GALNTL6: variants seen among roughly 807,000 people sequenced by gnomAD.
The protein encoded by GALNTL6 is polypeptide N-acetylgalactosaminyltransferase-like 6.
Under a neutral mutation model 73.7 loss-of-function variants are expected in GALNTL6, and 46 were observed. The observed-to-expected ratio is 0.62, with a 90% CI of 0.49 to 0.80. The LOEUF is 0.80. Among genes scored for constraint, GALNTL6 ranks in the 30% least tolerant of loss-of-function variants. The probability of loss-of-function intolerance (pLI) is 0.00; values close to 1 mark genes in which losing one functional copy is unlikely to be tolerated. For synonymous variants in GALNTL6, 259 were observed against 263.7 expected (o/e 0.98, Z 0.17); for missense variants, 604 against 755.0 (o/e 0.80, Z 2.34).
chr4:172,134,844 C>A (rs1318780703), intron 2 of GALNTL6, among the ~76,000 whole-genome samples: 1 of 152,192 alleles, frequency 6.6e-6, no homozygotes, highest in Non-Finnish European at 1.5e-5. Flanking sequence ...CATCATGTGG[C>A]TTGTCCCTCC....
intron 2 of GALNTL6, among the ~76,000 whole-genome samples, chr4:171,899,219 GTTAC>G: frequency 6.9e-6 from 1 of 144,732 alleles, no homozygotes; most frequent in Non-Finnish European, 1.5e-5. Context: ...GCACTGAAAA[GTTAC>G]TGTTTGTGTT....
chr4:171,989,752 T>C (rs1740274630), intron 2 of GALNTL6, among the ~76,000 whole-genome samples: 1 of 152,154 alleles, frequency 6.6e-6, no homozygotes, highest in Non-Finnish European at 1.5e-5. Flanking sequence ...AGGAGCGGAT[T>C]GGGTAATAAA....
intron 8 of GALNTL6, among the ~76,000 whole-genome samples, chr4:172,891,485 C>T (rs559415414): frequency 6.6e-6 from 1 of 152,270 alleles, no homozygotes; most frequent in South Asian, 2.1e-4. Flanking sequence ...TGCCTCCAAT[C>T]TCTGACTTAT....
chr4:172,041,473 A>G (rs891018246), intron 2 of GALNTL6, among the ~76,000 whole-genome samples: 1 of 152,224 alleles, frequency 6.6e-6, no homozygotes, highest in South Asian at 2.1e-4. Context: ...GAACCTTAGC[A>G]TAAATAATTT....
chr4:171,993,204 T>TAC (rs1456992674), intron 2 of GALNTL6, among the ~76,000 whole-genome samples: 1 of 151,518 alleles, frequency 6.6e-6, no homozygotes, highest in Non-Finnish European at 1.5e-5. Context: ...AATAAGTATA[T>TAC]ATAAGAGAAA....
chr4:171,863,136 G>A (rs1421573059), intron 2 of GALNTL6, among the ~76,000 whole-genome samples: 2 of 152,130 alleles, frequency 1.3e-5, no homozygotes, highest in African/African-American at 2.4e-5. Context: ...ATGAAGTTGC[G>A]TGAAATACCA....
At chr4:172,863,386 T>C (rs2111142832) in intron 7 of GALNTL6, among the ~76,000 whole-genome samples, 2 of 152,302 alleles carry the variant, frequency 1.3e-5, no homozygotes, top group South Asian at 4.1e-4. Flanking sequence ...GGCTGTACCC[T>C]GCAAATCCAC....
chr4:172,636,169 T>C (rs1009370201), intron 5 of GALNTL6, among the ~76,000 whole-genome samples: 3 of 152,226 alleles, frequency 2.0e-5, no homozygotes, highest in African/African-American at 7.2e-5. Flanking sequence ...TTCACTATTA[T>C]AGAAATTACC....
intron 7 of GALNTL6, among the ~76,000 whole-genome samples, chr4:172,832,500 T>C (rs1742691490): frequency 6.6e-6 from 1 of 152,346 alleles, no homozygotes; most frequent in East Asian, 1.9e-4. Flanking sequence ...GTGTCTGTGA[T>C]AAAGTTTAAA....
At chr4:172,498,211 A>G (rs934581946) in intron 5 of GALNTL6, among the ~76,000 whole-genome samples, 12 of 151,868 alleles carry the variant, frequency 7.9e-5, no homozygotes, top group African/African-American at 1.7e-4. Context: ...GATGGTCTCT[A>G]TCTCTTGACC....
intron 10 of GALNTL6, among the ~76,000 whole-genome samples, chr4:172,995,197 G>GA (rs984744715): frequency 1.3e-5 from 2 of 151,796 alleles, no homozygotes; most frequent in African/African-American, 4.8e-5. Context: ...TAGCACTCTA[G>GA]AAAAAAAATG....
intron 2 of GALNTL6, among the ~76,000 whole-genome samples, chr4:172,189,111 C>T (rs1157074689): frequency 2.0e-5 from 3 of 150,484 alleles, no homozygotes; most frequent in Non-Finnish European, 4.4e-5. Flanking sequence ...TAATATTATC[C>T]ATTTTGGGAA....
At chr4:171,824,523 C>T (rs1319309542) in intron 2 of GALNTL6, among the ~76,000 whole-genome samples, 1 of 151,922 alleles carries the variant, frequency 6.6e-6, no homozygotes, top group African/African-American at 2.4e-5. Flanking sequence ...CTGGATTGAA[C>T]ATGATAAGCA....
At chr4:172,658,750 A>G (rs1731217785) in intron 5 of GALNTL6, among the ~76,000 whole-genome samples, 1 of 152,202 alleles carries the variant, frequency 6.6e-6, no homozygotes. Flanking sequence ...TAAATGATTT[A>G]AAGTTCTGAA....
chr4:172,466,592 T>G (rs972232005), intron 5 of GALNTL6, among the ~76,000 whole-genome samples: 1 of 152,118 alleles, frequency 6.6e-6, no homozygotes, highest in Non-Finnish European at 1.5e-5. Context: ...TTCTTAGAAG[T>G]AAAAAACACG....
chr4:172,421,457 G>T (rs912769212), intron 5 of GALNTL6, among the ~76,000 whole-genome samples: 8 of 151,676 alleles, frequency 5.3e-5, no homozygotes, highest in Non-Finnish European at 1.2e-4. Context: ...GTTTGTATAA[G>T]TATTATAGAA....
chr4:172,581,135 A>G (rs1162712135), intron 5 of GALNTL6, among the ~76,000 whole-genome samples: 1 of 152,230 alleles, frequency 6.6e-6, no homozygotes, highest in Non-Finnish European at 1.5e-5. Context: ...GACACAAAAC[A>G]TAACAAGATA....
intron 2 of GALNTL6, among the ~76,000 whole-genome samples, chr4:171,891,975 A>C (rs1472951685): frequency 6.6e-6 from 1 of 152,200 alleles, no homozygotes; most frequent in Non-Finnish European, 1.5e-5. Flanking sequence ...AATGCTCACA[A>C]ATCCAAAACT....
At chr4:172,950,874 C>T (rs547051205) in intron 9 of GALNTL6, among the ~76,000 whole-genome samples, 101 of 152,298 alleles carry the variant, frequency 6.6e-4, no homozygotes, top group Admixed American at 1.5e-3. Context: ...AGAATTTGAA[C>T]AGGACACAAG....
Sources: allele counts gnomAD v4.1 joint callset (sites outside exome capture counted in the v4.1 genomes callset), GRCh38; gene constraint gnomAD v4.1.1; transcripts MANE v1.5; gene names NCBI Gene and HGNC (gene_info 2026-07-23, HGNC 2026-07-21).